Variants in NLK observed in about 807,000 individuals in gnomAD.
NLK encodes nemo like kinase, also known as serine/threonine-protein kinase NLK.
In NLK, 11 loss-of-function variants were observed where a neutral mutation model predicts 59.0. The observed-to-expected ratio is 0.19, with a 90% CI of 0.12 to 0.31. The LOEUF (loss-of-function observed/expected upper bound fraction) is 0.31. NLK is among the 10% of genes least tolerant of loss of function. The pLI is 1.00. For missense variants in NLK, 410 were observed against 661.1 expected, an observed-to-expected ratio of 0.62 and a Z score of 4.16; for synonymous variants, 235 against 235.9, an observed-to-expected ratio of 1.00 and a Z score of 0.03.
chr17:28,084,112 G>A (rs1261783345), intron 1 of NLK, among the ~76,000 whole-genome samples: 1 of 152,190 alleles, frequency 6.6e-6, no homozygotes, highest in Non-Finnish European at 1.5e-5. Context: ...GGACTCAGAG[G>A]TAGCAACCTA....
Position 28,057,409 on chromosome 17 carries a change from C to T in NLK, c.458+14078C>T, listed in dbSNP as rs367820194. ...AAGCTCTCCAACTAGAGAAGGAACT[C>T]GAAGTTTTAAAGCTTGTGACTATTT... is the stretch of plus-strand genomic sequence containing the variant. On this transcript the variant is annotated intron_variant, in intron 1 of 10. Coordinates refer to ENST00000407008, the MANE Select transcript of NLK (RefSeq NM_016231.5). 2.1e-4 allele frequency among the ~76,000 whole-genome samples: 32 copies of T among 152,230 alleles called. 2 individuals carry two copies. The South Asian group carries it at 6.6e-3, about 32-fold the overall frequency.
rs74872734 is a variant in NLK at position 28,099,135 on chromosome 17, C to T, written c.459-23468C>T. 6.0e-3 allele frequency among the ~76,000 whole-genome samples: 908 copies of T among 152,222 alleles called. 7 individuals carry two copies. The highest frequency in any genetic ancestry group is 9.8e-3 in the Non-Finnish European group (664 of 67,998). ...CTCTCCAGAAATGTACTAATTAACACCTTTCATCACTAGTGTAATTCTTGC... is the reference window on the plus strand; with the variant it reads ...CTCTCCAGAAATGTACTAATTAACATCTTTCATCACTAGTGTAATTCTTGC... On this transcript the variant is annotated intron_variant, in intron 1 of 10. Transcript: ENST00000407008.
intron 1 of NLK, among the ~76,000 whole-genome samples, chr17:28,121,609 C>G (rs939665118): frequency 7.7e-6 from 1 of 129,474 alleles, no homozygotes; most frequent in African/African-American, 2.9e-5. Context: ...TCAAGCAATT[C>G]TTGTGCCTCA....
chr17:28,146,300 A>G (rs1397162670), intron 3 of NLK, among the ~76,000 whole-genome samples: 2 of 152,180 alleles, frequency 1.3e-5, no homozygotes, highest in Non-Finnish European at 2.9e-5. Context: ...GAATTAATGT[A>G]CGTTGAACAT....
At chr17:28,053,323 AATG>A (rs1909324790) in intron 1 of NLK, among the ~76,000 whole-genome samples, 1 of 152,184 alleles carries the variant, frequency 6.6e-6, no homozygotes. Flanking sequence ...AAACTGGAAT[AATG>A]ATCTCTATAG....
chr17:28,141,663 TC>T (rs1168309044), intron 3 of NLK, among the ~76,000 whole-genome samples: 1 of 152,240 alleles, frequency 6.6e-6, no homozygotes, highest in Admixed American at 6.5e-5. Context: ...AAGCTCATTG[TC>T]TTTTGGAGAA....
chr17:28,199,679 A>C (rs574735973), downstream of NLK, among the ~76,000 whole-genome samples: 125 of 47,140 alleles, frequency 2.7e-3, 2 homozygotes, highest in African/African-American at 0.011. Flanking sequence ...AAAAAAAAAA[A>C]AAAAACAAAA....
chr17:28,136,277 A>G (rs1906741880), intron 3 of NLK, among the ~76,000 whole-genome samples: 1 of 152,184 alleles, frequency 6.6e-6, no homozygotes, highest in African/African-American at 2.4e-5. Flanking sequence ...TTTCAAACCT[A>G]AACTTCAGTA....
chr17:28,172,869 C>T (rs914206075), intron 7 of NLK, among the ~76,000 whole-genome samples: 1 of 152,080 alleles, frequency 6.6e-6, no homozygotes, highest in African/African-American at 2.4e-5. Flanking sequence ...CTTTGTGTCT[C>T]CTGATTTATT....
chr17:28,130,834 T>G (rs1033439989), intron 2 of NLK, among the ~76,000 whole-genome samples: 1 of 152,162 alleles, frequency 6.6e-6, no homozygotes, highest in Admixed American at 6.5e-5. Flanking sequence ...ATGAGAAATT[T>G]GTGTGAATTT....
rs1908923314 is a variant in NLK, at chr17:28,043,091, C to T, written c.218C>T (p.Ala73Val). The T allele has an allele frequency of 1.3e-6, 2 of 1,578,714 alleles. No individual in the cohort carries two copies. The highest frequency in any genetic ancestry group is 2.7e-5 in the African/African-American group (2 of 73,856). The change falls in exon 1 of 11, where the codon GCG becomes GTG. Residue 73 changes from alanine (A) to valine (V), a missense_variant. By Grantham distance (64) the Ala-to-Val change is moderately conservative. Around this residue, in one of 5 missense-constraint regions of NLK, gnomAD observed 160 missense variants for 171.0 expected, o/e 0.94. Coordinates refer to ENST00000407008, the MANE Select transcript of NLK (RefSeq NM_016231.5). ...CAGCAGCACACCTCTTCGGCAGCTG[C>T]GGCAGCCGCAGCAGCGGCTGCAGCT... is the stretch of plus-strand genomic sequence containing the variant. ...PVQQHTSSAA[A>V]AAAAAAAAAA...
At chr17:28,193,153 A>G (rs1389220519) in intron 10 of NLK, among the ~76,000 whole-genome samples, 1 of 152,270 alleles carries the variant, frequency 6.6e-6, no homozygotes, top group Non-Finnish European at 1.5e-5. Flanking sequence ...AAGATGATCA[A>G]CTGCTAAAAG....
intron 1 of NLK, among the ~76,000 whole-genome samples, chr17:28,053,614 A>T (rs1387786791): frequency 1.3e-5 from 2 of 152,230 alleles, no homozygotes; most frequent in African/African-American, 4.8e-5. Context: ...AATGGACAAC[A>T]CAGAAACTTT....
intron 1 of NLK, among the ~76,000 whole-genome samples, chr17:28,052,657 T>G (rs1909297892): frequency 6.6e-6 from 1 of 152,174 alleles, no homozygotes; most frequent in Non-Finnish European, 1.5e-5. Flanking sequence ...AAGAAACAGG[T>G]GACATTAATT....
intron 6 of NLK, among the ~76,000 whole-genome samples, chr17:28,171,579 A>C (rs898074259): frequency 6.6e-6 from 1 of 152,238 alleles, no homozygotes; most frequent in African/African-American, 2.4e-5. Flanking sequence ...AGAGATTTCT[A>C]GCATGACTAG....
At chr17:28,064,524 T>C (rs903724771) in intron 1 of NLK, among the ~76,000 whole-genome samples, 3 of 152,080 alleles carry the variant, frequency 2.0e-5, no homozygotes, top group African/African-American at 7.2e-5. Context: ...AAAATTAATA[T>C]CATATGAAGC....
chr17:28,158,429 A>G (rs753054920), intron 3 of NLK, among the ~76,000 whole-genome samples: 1 of 152,126 alleles, frequency 6.6e-6, no homozygotes, highest in Non-Finnish European at 1.5e-5. Flanking sequence ...AGCCTAGAAC[A>G]TTACTGTGCA....
intron 7 of NLK, among the ~76,000 whole-genome samples, chr17:28,173,373 T>C (rs1908549273): frequency 6.6e-6 from 1 of 152,154 alleles, no homozygotes; most frequent in Admixed American, 6.5e-5. Flanking sequence ...GATTATCTGA[T>C]TGATGGTACC....
At chr17:28,124,327 C>G (rs1398390746) in intron 2 of NLK, among the ~76,000 whole-genome samples, 1 of 152,080 alleles carries the variant, frequency 6.6e-6, no homozygotes, top group Non-Finnish European at 1.5e-5. Context: ...AGTTCAAGAC[C>G]AGCCTGGACA....
Sources: allele counts gnomAD v4.1 joint callset (sites outside exome capture counted in the v4.1 genomes callset), GRCh38; gene constraint gnomAD v4.1.1; regional missense constraint gnomAD v4.1.1; transcripts MANE v1.5; gene names NCBI Gene and HGNC (gene_info 2026-07-23, HGNC 2026-07-21).